Variants in GPD1L observed in about 807,000 individuals in gnomAD.
The protein encoded by GPD1L is glycerol-3-phosphate dehydrogenase 1 like.
A neutral mutation model predicts 32.9 loss-of-function variants in GPD1L; 17 were observed. The observed-to-expected ratio is 0.52, with a 90% CI of 0.35 to 0.78. The LOEUF is 0.78. GPD1L is among the 30% of genes least tolerant of loss of function. The pLI is 0.01. For missense variants in GPD1L, 361 were observed against 447.8 expected, an observed-to-expected ratio of 0.81 and a Z score of 1.75; for synonymous variants, 187 against 165.9, an observed-to-expected ratio of 1.13 and a Z score of -0.98.
chr3:32,113,886 C>A (rs1158061406), intron 1 of GPD1L, among the ~76,000 whole-genome samples: 1 of 152,152 alleles, frequency 6.6e-6, no homozygotes, highest in African/African-American at 2.4e-5. Context: ...GGGAGTCTCA[C>A]TCTGTCACCC....
chr3:32,137,379 C>A (rs1396059232), intron 2 of GPD1L, among the ~76,000 whole-genome samples: 1 of 152,220 alleles, frequency 6.6e-6, no homozygotes, highest in Non-Finnish European at 1.5e-5. Flanking sequence ...CACTGTTCTG[C>A]CATCTCGGCA....
intron 2 of GPD1L, among the ~76,000 whole-genome samples, chr3:32,135,686 C>G (rs1038553667): frequency 1.3e-5 from 2 of 152,270 alleles, no homozygotes; most frequent in African/African-American, 4.8e-5. Context: ...CTCTTGGCCT[C>G]AAGCGATCCA....
chr3:32,140,245 C>T lies in GPD1L; in HGVS notation c.384C>T (p.Pro128=), dbSNP rs779990114. 11 of 1,613,864 alleles carry T rather than the reference C, an allele frequency of 6.8e-6. No homozygotes were observed. The highest frequency in any genetic ancestry group is 1.6e-4 in the Middle Eastern group (1 of 6,078). The change falls in exon 4 of 8, where the codon CCC becomes CCT. Residue 128 remains proline (P), a synonymous_variant. Coordinates refer to ENST00000282541, the MANE Select transcript of GPD1L (RefSeq NM_015141.4). ...ITLIKGIDEG[P]EGLKLISDII... ...CCTTGTAGGGCATAGACGAGGGCCC[C>T]GAGGGGCTGAAGCTCATTTCTGACA... is the stretch of plus-strand genomic sequence containing the variant.
chr3:32,111,960 A>AAGG (rs1700259771), intron 1 of GPD1L, among the ~76,000 whole-genome samples: 1 of 151,972 alleles, frequency 6.6e-6, no homozygotes, highest in African/African-American at 2.4e-5. Flanking sequence ...GAGTGACTAT[A>AAGG]AGTTAGCTCC....
chr3:32,160,673 C>T (rs962471043), intron 7 of GPD1L, among the ~76,000 whole-genome samples: 1 of 151,918 alleles, frequency 6.6e-6, no homozygotes, highest in Non-Finnish European at 1.5e-5. Flanking sequence ...GTGGGTGCAT[C>T]CATCCTCCAT....
At chr3:32,116,135 G>C (rs11925962) in intron 1 of GPD1L, among the ~76,000 whole-genome samples, 62,698 of 151,886 alleles carry the variant, frequency 0.41, 14,696 homozygotes, top group East Asian at 0.64. Context: ...CACCCAGTGA[G>C]AGGAAGTGCC....
At chr3:32,117,553 G>A (rs986068420) in intron 1 of GPD1L, among the ~76,000 whole-genome samples, 9 of 152,152 alleles carry the variant, frequency 5.9e-5, no homozygotes, top group South Asian at 2.1e-4. Flanking sequence ...CCAGGAATGC[G>A]GGCAGGGGTG....
chr3:32,109,566 A>G (rs966629285), intron 1 of GPD1L, among the ~76,000 whole-genome samples: 6 of 152,232 alleles, frequency 3.9e-5, no homozygotes, highest in African/African-American at 1.2e-4. Flanking sequence ...ATGGGATTAG[A>G]CGGGAACAAT....
At position 32,158,969 on chromosome 3, in the gene GPD1L, A is replaced by T; in HGVS notation, c.712A>T (p.Ile238Phe). The T allele has an allele frequency of 1.2e-6, 2 of 1,614,076 alleles. No homozygotes were observed. Among genetic ancestry groups the T allele is most frequent in the East Asian group, 2.2e-5 (1 of 44,888 alleles). The change falls in exon 6 of 8, where the codon ATT becomes TTT. Residue 238 changes from isoleucine (I) to phenylalanine (F), a missense_variant. Ile to Phe is a conservative substitution (Grantham distance 21). Transcript: ENST00000282541. ...AVIRLGLMEM[I>F]AFARIFCKGQ... The stretch of plus-strand genomic sequence containing the variant: ...CATCCGCCTGGGACTCATGGAAATG[A>T]TTGCTTTTGCCAGGATCTTCTGCAA...
chr3:32,128,544 C>T (rs989541551), intron 2 of GPD1L, among the ~76,000 whole-genome samples: 13 of 152,168 alleles, frequency 8.5e-5, no homozygotes, highest in African/African-American at 3.1e-4. Context: ...TTAATTTCTT[C>T]TGAGGCCTCT....
intron 1 of GPD1L, among the ~76,000 whole-genome samples, chr3:32,114,684 G>A (rs1323298885): frequency 6.6e-6 from 1 of 151,980 alleles, no homozygotes; most frequent in Non-Finnish European, 1.5e-5. Context: ...CGCTGACTTC[G>A]AGAATGAAGC....
At position 32,167,339 on chromosome 3, in the gene GPD1L, CT is replaced by C. The variant is rs1172450504; in HGVS notation, c.*1431del. 6.6e-6 allele frequency: 1 copy of C among 152,426 alleles called. No individual in the cohort carries two copies. Among genetic ancestry groups the C allele is most frequent in the African/African-American group, 2.4e-5 (1 of 41,444 alleles). The allele number at this position is 152,426 out of a possible 1,614,324, so 9.4% of individuals were successfully genotyped here. A position where few individuals can be genotyped will look rare whatever the true frequency, so the allele number is the denominator to read the frequency against. ...CACTGAAGAGATTTTGGTGAGGAAACTTGCTGGAGTTTTCAGGGAACACTGT... is the reference window on the plus strand; with the variant it reads ...CACTGAAGAGATTTTGGTGAGGAAACTGCTGGAGTTTTCAGGGAACACTGT... On this transcript the variant is annotated 3_prime_UTR_variant, in exon 8 of 8. Coordinates refer to ENST00000282541, the MANE Select transcript of GPD1L (RefSeq NM_015141.4).
chr3:32,160,073 G>T (rs140963100), intron 7 of GPD1L, among the ~76,000 whole-genome samples: 1 of 152,114 alleles, frequency 6.6e-6, no homozygotes, highest in Middle Eastern at 3.4e-3. Flanking sequence ...AAGGAAGGAC[G>T]AGTTAGCCCA....
intron 4 of GPD1L, among the ~76,000 whole-genome samples, chr3:32,144,948 C>G (rs1458057553): frequency 6.6e-6 from 1 of 151,348 alleles, no homozygotes; most frequent in African/African-American, 2.4e-5. Flanking sequence ...AAGTAATCCA[C>G]TTACCTGAGC....
At chr3:32,130,913 G>A (rs1700579120) in intron 2 of GPD1L, among the ~76,000 whole-genome samples, 1 of 152,082 alleles carries the variant, frequency 6.6e-6, no homozygotes, top group African/African-American at 2.4e-5. Flanking sequence ...TACTCGGGAG[G>A]CTGAGGCAGG....
intron 1 of GPD1L, among the ~76,000 whole-genome samples, chr3:32,124,716 A>G (rs1204940167): frequency 2.6e-5 from 4 of 152,204 alleles, no homozygotes; most frequent in Non-Finnish European, 5.9e-5. Flanking sequence ...GTTTGAGCCC[A>G]GGAGTTCAAG....
intron 1 of GPD1L, among the ~76,000 whole-genome samples, chr3:32,116,539 G>A (rs534823427): frequency 3.4e-4 from 49 of 143,692 alleles, no homozygotes; most frequent in Non-Finnish European, 6.0e-4. Flanking sequence ...TGTTGAGAAG[G>A]ATTCTGGGGA....
chr3:32,136,054 T>G (rs1251687803), intron 2 of GPD1L, among the ~76,000 whole-genome samples: 1 of 152,228 alleles, frequency 6.6e-6, no homozygotes, highest in Non-Finnish European at 1.5e-5. Flanking sequence ...CTAAATGTTT[T>G]GGCTCTTGTA....
chr3:32,107,011 C>G (rs1324865188), intron 1 of GPD1L, among the ~76,000 whole-genome samples: 1 of 152,194 alleles, frequency 6.6e-6, no homozygotes, highest in Non-Finnish European at 1.5e-5. Flanking sequence ...CACGCGGGCA[C>G]CTGTCTGCGC....
Sources: allele counts gnomAD v4.1 joint callset (sites outside exome capture counted in the v4.1 genomes callset), GRCh38; gene constraint gnomAD v4.1.1; transcripts MANE v1.5; gene names NCBI Gene and HGNC (gene_info 2026-07-23, HGNC 2026-07-21).